AHI1: variants seen among roughly 807,000 people sequenced by gnomAD.
AHI1 encodes the protein Abelson helper integration site 1, also known as jouberin.
AHI1 carries 123 observed loss-of-function variants against 149.3 expected under a neutral mutation model. The observed-to-expected ratio is 0.82, with a 90% CI of 0.71 to 0.96. The LOEUF (loss-of-function observed/expected upper bound fraction) is 0.96, where lower values mean the gene tolerates loss of function less well. AHI1 is among the 40% of genes least tolerant of loss of function. The pLI is 0.00. For synonymous variants in AHI1, 475 were observed against 459.8 expected, an observed-to-expected ratio of 1.03 and a Z score of -0.42; for missense variants, 1,439 against 1,422.7, an observed-to-expected ratio of 1.01 and a Z score of -0.18.
At chr6:135,331,741 T>C (rs1010931378) in intron 24 of AHI1, among the ~76,000 whole-genome samples, 4 of 152,218 alleles carry the variant, frequency 2.6e-5, no homozygotes, top group African/African-American at 9.6e-5. Flanking sequence ...TGAGCACTTT[T>C]TCCTTCAGCC....
At chr6:135,289,989 T>A (rs1175868420) in intron 28 of AHI1, among the ~76,000 whole-genome samples, 1 of 151,914 alleles carries the variant, frequency 6.6e-6, no homozygotes, top group Admixed American at 6.6e-5. Flanking sequence ...TCCTCTGGAG[T>A]TCCTTAGGCC....
At chr6:135,441,142 T>TA (rs1003781128) in intron 14 of AHI1, among the ~76,000 whole-genome samples, 6 of 149,136 alleles carry the variant, frequency 4.0e-5, no homozygotes, top group Admixed American at 6.7e-5. Context: ...TAGATATGAT[T>TA]AAAAAAAAAG....
In AHI1 at chr6:135,319,823, A is replaced by C. The variant is rs1786533774; in HGVS notation, c.3329-1207T>G. On this transcript the variant is annotated intron_variant, in intron 25 of 28. Coordinates refer to ENST00000265602, the MANE Select transcript of AHI1 (RefSeq NM_001134831.2). ...TTATCTCATATTTTGAGGGTGTTAG[A>C]TGTGATGGGGGAAGCTGATCATGTT... Among the ~76,000 whole-genome samples, 5 of 152,304 alleles carry C rather than the reference A, an allele frequency of 3.3e-5. No individual in the cohort carries two copies. In the South Asian group the frequency reaches 1.0e-3, roughly 32 times the overall value.
intron 23 of AHI1, among the ~76,000 whole-genome samples, chr6:135,386,292 A>G (rs1026534442): frequency 3.4e-5 from 5 of 148,406 alleles, no homozygotes; most frequent in Non-Finnish European, 7.4e-5. Flanking sequence ...GATGTTATCT[A>G]CTATAGAAAA....
chr6:135,461,599 G>C (rs1789893853), intron 8 of AHI1, among the ~76,000 whole-genome samples: 1 of 151,976 alleles, frequency 6.6e-6, no homozygotes, highest in African/African-American at 2.4e-5. Context: ...AGGTATGCAT[G>C]TGCTTACCAA....
chr6:135,495,559 T>C (rs1795843766), intron 3 of AHI1: 1 of 152,236 alleles, frequency 6.6e-6, no homozygotes, highest in Admixed American at 6.5e-5. Context: ...ATTTAAGAAC[T>C]TCTCTTCTGT....
intron 11 of AHI1, among the ~76,000 whole-genome samples, chr6:135,450,710 C>A (rs572018986): frequency 6.6e-6 from 1 of 152,258 alleles, no homozygotes; most frequent in East Asian, 1.9e-4. Flanking sequence ...TACATTAATA[C>A]GTTGCTTAGC....
intron 24 of AHI1, among the ~76,000 whole-genome samples, chr6:135,357,059 CT>C (rs551812198): frequency 6.6e-6 from 1 of 152,224 alleles, no homozygotes; most frequent in Non-Finnish European, 1.5e-5. Context: ...CTGCCTCAGC[CT>C]CCCGAGTAGC....
At position 135,336,907 on chromosome 6, in the gene AHI1, C is replaced by G. The variant is rs142151419; in HGVS notation, c.3166-13583G>C. 4.6e-3 allele frequency among the ~76,000 whole-genome samples: 700 copies of G among 152,146 alleles called. 4 individuals are homozygous for G. The highest frequency in any genetic ancestry group is 0.016 in the African/African-American group (654 of 41,512). On this transcript the variant is annotated intron_variant, in intron 24 of 28. Coordinates refer to ENST00000265602, the MANE Select transcript of AHI1 (RefSeq NM_001134831.2). ...ATACATATATGTGTGTGCACATATA[C>G]ACACACACATACACATATATTCATA... is the stretch of plus-strand genomic sequence containing the variant.
At chr6:135,352,701 GTA>G (rs557236679) in intron 24 of AHI1, among the ~76,000 whole-genome samples, 22 of 129,414 alleles carry the variant, frequency 1.7e-4, no homozygotes, top group African/African-American at 6.9e-4. Flanking sequence ...CATTGTGTGT[GTA>G]TATATATATA....
rs754784786 is a variant in AHI1 at position 135,457,560 on chromosome 6, G to T, written c.1085C>A (p.Ser362Tyr). ...TDRLKSDFMI[S>Y]HPMVKIHVVD... is the part of the protein sequence containing the mutation. The stretch of plus-strand genomic sequence containing the variant: ...CACATGAATTTTTACCATTGGGTGA[G>T]AAATCATAAAATCTGACTTAAGTCT... Residue 362 changes from serine to tyrosine, a missense_variant, in exon 9 of 29, where the codon TCT becomes TAT. Coordinates refer to ENST00000265602, the MANE Select transcript of AHI1 (RefSeq NM_001134831.2). The T allele has an allele frequency of 7.4e-6, 12 of 1,613,756 alleles. No individual in the cohort carries two copies. Among genetic ancestry groups the T allele is most frequent in the East Asian group, 2.2e-5 (1 of 44,872 alleles).
chr6:135,294,369 C>T (rs1208729718), intron 27 of AHI1, among the ~76,000 whole-genome samples: 1 of 140,524 alleles, frequency 7.1e-6, no homozygotes, highest in Non-Finnish European at 1.6e-5. Context: ...ACAAAACACC[C>T]AACATTAGCT....
chr6:135,323,427 G>C, intron 24 of AHI1, 103 bp from the exon 25 acceptor site: 1 of 1,255,970 alleles, frequency 8.0e-7, no homozygotes, highest in Non-Finnish European at 1.1e-6. Context: ...AACCAAAGCA[G>C]TACTTTGGTA....
chr6:135,404,871 C>G (rs1780531340), intron 22 of AHI1, 80 bp downstream of exon 22: 5 of 1,309,436 alleles, frequency 3.8e-6, no homozygotes, highest in Non-Finnish European at 5.5e-6. Flanking sequence ...AGGTTCCAAA[C>G]TCTATGAATG....
At chr6:135,418,384 T>C (rs1782681674) in intron 20 of AHI1, among the ~76,000 whole-genome samples, 3 of 152,124 alleles carry the variant, frequency 2.0e-5, no homozygotes, top group Non-Finnish European at 4.4e-5. Context: ...AGGCTATCAT[T>C]TGGGATTCAA....
At chr6:135,429,441 A>G (rs891584844) in intron 18 of AHI1, among the ~76,000 whole-genome samples, 1 of 151,748 alleles carries the variant, frequency 6.6e-6, no homozygotes, top group Non-Finnish European at 1.5e-5. Context: ...TTATTTGGAA[A>G]TAAACAAAAA....
At chr6:135,469,162 C>A (rs548643323) in intron 5 of AHI1, among the ~76,000 whole-genome samples, 1 of 152,300 alleles carries the variant, frequency 6.6e-6, no homozygotes, top group Non-Finnish European at 1.5e-5. Context: ...TTATCCACCA[C>A]CATCAAGTCA....
intron 20 of AHI1, among the ~76,000 whole-genome samples, chr6:135,416,789 A>G (rs73562010): frequency 1.3e-3 from 194 of 152,154 alleles, no homozygotes; most frequent in African/African-American, 4.2e-3. Flanking sequence ...GACCAGCTCA[A>G]TAATAATTGG....
chr6:135,290,611 G>T, intron 27 of AHI1, 86 bp from the exon 28 acceptor site: 1 of 1,398,868 alleles, frequency 7.1e-7, no homozygotes, highest in Non-Finnish European at 1.0e-6. Flanking sequence ...TAGGGCCGTG[G>T]CAGTGGAAAC....
Sources: gnomAD v4.1 joint callset for allele counts (sites outside exome capture counted in the v4.1 genomes callset) on GRCh38, gnomAD v4.1.1 for gene constraint, MANE v1.5 for transcripts, NCBI Gene and HGNC (gene_info 2026-07-23, HGNC 2026-07-21) for gene names.